The following NAALADL2 variants were observed in gnomAD, a reference collection of about 807,000 sequenced individuals.
The protein encoded by NAALADL2 is N-acetylated alpha-linked acidic dipeptidase like 2.
Under a neutral mutation model 87.2 loss-of-function variants are expected in NAALADL2, and 76 were observed. The ratio of observed to expected loss-of-function variants is 0.87; its 90% CI spans 0.72 to 1.05. The LOEUF (loss-of-function observed/expected upper bound fraction) is 1.05, where lower values mean the gene tolerates loss of function less well. Ranked by LOEUF, NAALADL2 falls within the 50% of genes least tolerant of loss-of-function variation. The pLI is 0.00. For missense variants in NAALADL2, 1,089 were observed against 945.8 expected (o/e 1.15, Z -1.99); for synonymous variants, 354 against 331.0 (o/e 1.07, Z -0.75).
chr3:174,752,982 A>G (rs1734984402), intron 3 of NAALADL2, among the ~76,000 whole-genome samples: 1 of 152,234 alleles, frequency 6.6e-6, no homozygotes, highest in South Asian at 2.1e-4. Flanking sequence ...CTTTTTCTAT[A>G]CATATAAGAC....
At chr3:175,583,557 G>T (rs989915744) in intron 10 of NAALADL2, among the ~76,000 whole-genome samples, 3 of 151,344 alleles carry the variant, frequency 2.0e-5, no homozygotes, top group Admixed American at 1.3e-4. Context: ...GAAATTGATA[G>T]TAATCTGGAT....
chr3:174,485,071 A>G (rs1207157699), intron 1 of NAALADL2, among the ~76,000 whole-genome samples: 1 of 152,086 alleles, frequency 6.6e-6, no homozygotes, highest in Non-Finnish European at 1.5e-5. Flanking sequence ...GAATTAATCA[A>G]GTATACAATT....
chr3:175,142,009 C>A (rs376564549), intron 2 of NAALADL2, among the ~76,000 whole-genome samples: 7 of 152,144 alleles, frequency 4.6e-5, no homozygotes, highest in African/African-American at 1.7e-4. Flanking sequence ...TGTTTGCATT[C>A]TTGTCTTCAG....
intron 3 of NAALADL2, among the ~76,000 whole-genome samples, chr3:174,786,449 CAAA>C (rs36127298): frequency 0.21 from 25,281 of 122,280 alleles, 2,015 homozygotes; most frequent in East Asian, 0.37. Context: ...GACTCTGTCT[CAAA>C]AAAAAAAAAA....
At chr3:175,743,111 C>T (rs1456422043) in intron 12 of NAALADL2, among the ~76,000 whole-genome samples, 1 of 152,128 alleles carries the variant, frequency 6.6e-6, no homozygotes, top group East Asian at 1.9e-4. Context: ...AGTGATTCTC[C>T]TGCCTCAGCC....
intron 1 of NAALADL2, among the ~76,000 whole-genome samples, chr3:174,900,160 G>A (rs1732137359): frequency 6.6e-6 from 1 of 151,950 alleles, no homozygotes; most frequent in Non-Finnish European, 1.5e-5. Flanking sequence ...TAAAATATTA[G>A]GTAATTGGCA....
intron 9 of NAALADL2, among the ~76,000 whole-genome samples, chr3:175,494,775 T>C (rs747837060): frequency 6.6e-6 from 1 of 152,056 alleles, no homozygotes; most frequent in African/African-American, 2.4e-5. Flanking sequence ...TTCATACATA[T>C]ATGTGTGCTT....
At chr3:174,907,420 G>A in intron 1 of NAALADL2, among the ~76,000 whole-genome samples, 1 of 152,026 alleles carries the variant, frequency 6.6e-6, no homozygotes, top group East Asian at 1.9e-4. Flanking sequence ...TTGAGAGATG[G>A]GTGATATGTA....
intron 1 of NAALADL2, among the ~76,000 whole-genome samples, chr3:174,472,980 C>T (rs1490364332): frequency 6.6e-6 from 1 of 152,086 alleles, no homozygotes. Flanking sequence ...CTATATATGA[C>T]TTCGTAGATT....
chr3:174,725,639 T>C (rs547558285), intron 2 of NAALADL2, among the ~76,000 whole-genome samples: 1 of 152,330 alleles, frequency 6.6e-6, no homozygotes, highest in South Asian at 2.1e-4. Flanking sequence ...AAAATTACTT[T>C]TGTTAAAGTT....
intron 5 of NAALADL2, among the ~76,000 whole-genome samples, chr3:175,394,080 G>A (rs1769444895): frequency 6.6e-6 from 1 of 151,830 alleles, no homozygotes; most frequent in African/African-American, 2.4e-5. Flanking sequence ...AGTCCAAGAA[G>A]CAGATAGCCA....
intron 3 of NAALADL2, among the ~76,000 whole-genome samples, chr3:174,804,735 ATAAATC>A (rs2109266202): frequency 6.6e-6 from 1 of 152,312 alleles, no homozygotes; most frequent in Admixed American, 6.5e-5. Flanking sequence ...AACATTTTGA[ATAAATC>A]TAAAATCTAT....
At chr3:175,731,563 A>C in intron 11 of NAALADL2, among the ~76,000 whole-genome samples, 1 of 152,202 alleles carries the variant, frequency 6.6e-6, no homozygotes, top group East Asian at 1.9e-4. Context: ...TGCCTGAGGA[A>C]GACTGAGTTT....
At chr3:175,788,255 A>G (rs916113101) in intron 13 of NAALADL2, among the ~76,000 whole-genome samples, 20 of 151,682 alleles carry the variant, frequency 1.3e-4, no homozygotes, top group African/African-American at 4.6e-4. Context: ...ACTATGCTCA[A>G]CTAATTTTTG....
At chr3:175,593,555 A>T (rs1290233885) in intron 10 of NAALADL2, among the ~76,000 whole-genome samples, 1 of 152,166 alleles carries the variant, frequency 6.6e-6, no homozygotes, top group Non-Finnish European at 1.5e-5. Flanking sequence ...GGAGACTAAA[A>T]TTCCAATATC....
rs145906465 is a variant in NAALADL2 at position 174,804,287 on chromosome 3, G to T, written c.-9+66541G>T. 5.8e-3 allele frequency among the ~76,000 whole-genome samples: 887 copies of T among 152,198 alleles called. 2 individuals are homozygous for T. The highest frequency in any genetic ancestry group is 0.014 in the African/African-American group (568 of 41,538). ...TCTCTGTTTGTCTATTGTTGTATAGGAATGCTTGTGATTTTTGCACATTGA... is the reference window on the plus strand; with the variant it reads ...TCTCTGTTTGTCTATTGTTGTATAGTAATGCTTGTGATTTTTGCACATTGA... On this transcript the variant is annotated intron_variant, in intron 3 of 3. Coordinates refer to the NAALADL2 transcript ENST00000434257.
chr3:175,438,050 G>T (rs150640159), intron 5 of NAALADL2, among the ~76,000 whole-genome samples: 1 of 151,898 alleles, frequency 6.6e-6, no homozygotes, highest in Non-Finnish European at 1.5e-5. Flanking sequence ...ATTTTATATC[G>T]TGAATCATGA....
Position 175,576,031 on chromosome 3 carries a change from T to C in NAALADL2, c.1654-10T>C, listed in dbSNP as rs201448615. On this transcript the variant is annotated splice_polypyrimidine_tract_variant and intron_variant, in intron 9 of 13. Coordinates refer to ENST00000454872, the MANE Select transcript of NAALADL2 (RefSeq NM_207015.3). ...TAGTATGTGTTAACAATTTAAATTA[T>C]GTTTTTCAGAAAAATAATTTCAACT... The C allele has an allele frequency of 9.1e-4, 1,464 of 1,608,548 alleles. 2 individuals are homozygous for C. Among genetic ancestry groups the C allele is most frequent in the Middle Eastern group, 2.7e-3 (16 of 5,986 alleles).
In NAALADL2 at chr3:174,711,169, A is replaced by C. The variant is rs143925485; in HGVS notation, c.-114-26472A>C. Among the ~76,000 whole-genome samples the C allele has an allele frequency of 3.1e-3, 479 of 152,316 alleles. 2 individuals carry two copies. The highest frequency in any genetic ancestry group is 0.012 in the South Asian group (56 of 4,828). ...TATACTACACTTCCAGAAGTAAAGAAATAGCCTTTTACCTTATTCAGCACA... is the reference window on the plus strand; with the variant it reads ...TATACTACACTTCCAGAAGTAAAGACATAGCCTTTTACCTTATTCAGCACA... On this transcript the variant is annotated intron_variant, in intron 2 of 3. Coordinates refer to the NAALADL2 transcript ENST00000434257.
Sources: gnomAD v4.1 joint callset for allele counts (sites outside exome capture counted in the v4.1 genomes callset) on GRCh38, gnomAD v4.1.1 for gene constraint, MANE v1.5 for transcripts, NCBI Gene and HGNC (gene_info 2026-07-23, HGNC 2026-07-21) for gene names.